NCOR1: variants seen among roughly 807,000 people sequenced by gnomAD.
NCOR1 encodes the protein nuclear receptor corepressor 1.
In NCOR1, 63 loss-of-function variants were observed where a neutral mutation model predicts 288.1. The observed-to-expected ratio is 0.22, with a 90% CI of 0.18 to 0.27. NCOR1 has a LOEUF of 0.27. NCOR1 is among the 10% of genes least tolerant of loss of function. NCOR1 has a pLI of 1.00. For synonymous variants in NCOR1, 1,007 were observed against 1,065.9 expected (o/e 0.94, Z 1.08); for missense variants, 2,397 against 3,019.2 (o/e 0.79, Z 4.83).
At chr17:16,167,734 C>T (rs1315409384) in intron 4 of NCOR1, among the ~76,000 whole-genome samples, 1 of 151,332 alleles carries the variant, frequency 6.6e-6, no homozygotes, top group Admixed American at 6.6e-5. Context: ...GTGGTGCGAG[C>T]CTGTAATCCC....
Position 16,215,350 on chromosome 17 carries a change from G to A in NCOR1, c.-71+12C>T, listed in dbSNP as rs574022794. The A allele has an allele frequency of 3.1e-5, 12 of 393,408 alleles. No individual in the cohort carries two copies. The East Asian group carries it at 4.0e-4, about 13-fold the overall frequency. 24.4% of individuals were successfully genotyped at this position (393,408 alleles called of 1,614,324 possible). On this transcript the variant is annotated intron_variant, in intron 1 of 45. Coordinates refer to ENST00000268712, the MANE Select transcript of NCOR1 (RefSeq NM_006311.4). ...CCGGAGGCCGGGGTTGCAGGCGCCAGGGCCTACTCACCGGGAGCTGGCTAA... is the reference window on the plus strand; with the variant it reads ...CCGGAGGCCGGGGTTGCAGGCGCCAAGGCCTACTCACCGGGAGCTGGCTAA...
At chr17:16,197,192 G>A (rs184310321) in intron 1 of NCOR1, among the ~76,000 whole-genome samples, 5 of 151,744 alleles carry the variant, frequency 3.3e-5, no homozygotes, top group Non-Finnish European at 5.9e-5. Flanking sequence ...ATGGTGGCGC[G>A]TGCCTGTAAA....
intron 42 of NCOR1, among the ~76,000 whole-genome samples, chr17:16,041,792 A>G (rs891753432): frequency 3.2e-4 from 48 of 151,788 alleles, no homozygotes; most frequent in Non-Finnish European, 3.1e-4. Context: ...GCTGGAGTGC[A>G]GCGGTGCGAT....
At chr17:16,040,808 C>T in intron 42 of NCOR1, 1 of 334,484 alleles carries the variant, frequency 3.0e-6, no homozygotes. Flanking sequence ...GGCGGTAGGA[C>T]TGCTTGAGCA....
chr17:16,072,069 C>T (rs1225932546), intron 29 of NCOR1, 76 bp downstream of exon 29: 3 of 1,135,478 alleles, frequency 2.6e-6, no homozygotes, highest in Admixed American at 2.1e-5. Flanking sequence ...AGCAGAAATA[C>T]ACTGTAAATT....
intron 19 of NCOR1, among the ~76,000 whole-genome samples, chr17:16,102,188 G>A (rs78175751): frequency 6.6e-6 from 1 of 152,212 alleles, no homozygotes; most frequent in East Asian, 1.9e-4. Context: ...CCATCCAATA[G>A]ACATATAATG....
intron 14 of NCOR1, among the ~76,000 whole-genome samples, chr17:16,127,321 A>ATATGTATGTATATATACATGTATGTATG (rs2074459051): frequency 1.0e-5 from 1 of 96,148 alleles, no homozygotes; most frequent in Non-Finnish European, 2.1e-5. Flanking sequence ...ATGTATGTAT[A>ATATGTATGTATATATACATGTATGTATG]TATGTATGTA....
In NCOR1 at chr17:16,168,371, T is replaced by G. The variant is rs1236760389; in HGVS notation, c.436-3210A>C. Among the ~76,000 whole-genome samples the G allele has an allele frequency of 2.0e-5, 3 of 152,060 alleles. No individual in the cohort carries two copies. In the East Asian group the frequency reaches 5.9e-4, roughly 30 times the overall value. On this transcript the variant is annotated intron_variant, in intron 4 of 45. Transcript: ENST00000268712. ...GCCTGCCACCACGTCCAGATAATTTTTGTATTTTTAGTAGAGATGGGGTTT... is the reference window on the plus strand; with the variant it reads ...GCCTGCCACCACGTCCAGATAATTTGTGTATTTTTAGTAGAGATGGGGTTT...
chr17:16,144,279 G>A (rs1052446705), intron 10 of NCOR1, among the ~76,000 whole-genome samples: 1 of 152,196 alleles, frequency 6.6e-6, no homozygotes, highest in Admixed American at 6.5e-5. Flanking sequence ...ATTTAGGTCT[G>A]TTCTTACTCA....
chr17:16,091,434 G>A (rs1013754657), intron 22 of NCOR1: 2 of 488,146 alleles, frequency 4.1e-6, no homozygotes, highest in Non-Finnish European at 5.5e-6. Flanking sequence ...TGAAGGCTTA[G>A]CCAGCGTCTG....
chr17:16,086,109 T>C (rs906109564), intron 23 of NCOR1, among the ~76,000 whole-genome samples, 173 bp downstream of exon 23: 1 of 152,188 alleles, frequency 6.6e-6, no homozygotes, highest in Admixed American at 6.5e-5. Flanking sequence ...AAAGTTCTGA[T>C]TTGTGGCAAG....
chr17:16,079,927 G>C, intron 26 of NCOR1, 37 bp downstream of exon 26: 1 of 1,509,696 alleles, frequency 6.6e-7, no homozygotes, highest in Non-Finnish European at 9.2e-7. Flanking sequence ...TTTTTCCTGA[G>C]CTTCTGTTGA....
intron 16 of NCOR1, among the ~76,000 whole-genome samples, chr17:16,120,657 A>C (rs572927979): frequency 2.6e-5 from 4 of 152,180 alleles, no homozygotes; most frequent in Non-Finnish European, 5.9e-5. Flanking sequence ...TACTATGTGA[A>C]TAAAGATTTT....
At chr17:16,108,136 C>CAGT (rs2069168416) in intron 19 of NCOR1, 1 of 170,138 alleles carries the variant, frequency 5.9e-6, no homozygotes, top group Non-Finnish European at 1.3e-5. Flanking sequence ...ATATGAAGAG[C>CAGT]TACTAAAAGC....
At chr17:16,142,077 G>T (rs1244930742) in intron 11 of NCOR1, among the ~76,000 whole-genome samples, 3 of 152,090 alleles carry the variant, frequency 2.0e-5, no homozygotes, top group Non-Finnish European at 4.4e-5. Flanking sequence ...AAAAACCAAA[G>T]ATGTAGTTAG....
intron 26 of NCOR1, among the ~76,000 whole-genome samples, chr17:16,077,307 G>C (rs1253336800): frequency 5.3e-5 from 8 of 151,202 alleles, no homozygotes; most frequent in Non-Finnish European, 1.2e-4. Context: ...TGAGGTAGGA[G>C]AATCACTTGA....
At chr17:16,113,644 G>A (rs1460045112) in intron 18 of NCOR1, among the ~76,000 whole-genome samples, 1 of 152,160 alleles carries the variant, frequency 6.6e-6, no homozygotes. Context: ...TGTAATCCCA[G>A]TACTTTGGAA....
intron 17 of NCOR1, 54 bp downstream of exon 17, chr17:16,119,369 A>C (rs373024796): frequency 7.5e-7 from 1 of 1,332,362 alleles, no homozygotes; most frequent in Non-Finnish European, 1.1e-6. Context: ...CTCATTACTA[A>C]TAACCCTAAA....
At chr17:16,037,359 A>C (rs1020589085) in intron 44 of NCOR1, among the ~76,000 whole-genome samples, 8 of 152,208 alleles carry the variant, frequency 5.3e-5, no homozygotes, top group African/African-American at 1.9e-4. Context: ...ATGCTATTAG[A>C]AAAATAATGC....
Sources: allele counts gnomAD v4.1 joint callset (sites outside exome capture counted in the v4.1 genomes callset), GRCh38; gene constraint gnomAD v4.1.1; transcripts MANE v1.5; gene names NCBI Gene and HGNC (gene_info 2026-07-23, HGNC 2026-07-21).